MIPOL1: variants seen among roughly 807,000 people sequenced by gnomAD.
The protein encoded by MIPOL1 is mirror-image polydactyly gene 1 protein.
Under a neutral mutation model 60.9 loss-of-function variants are expected in MIPOL1, and 57 were observed. The ratio of observed to expected loss-of-function variants is 0.94; its 90% confidence interval spans 0.76 to 1.17. MIPOL1 has a LOEUF of 1.17. Among genes scored for constraint, MIPOL1 ranks in the 50% most tolerant of loss-of-function variants. The probability of loss-of-function intolerance (pLI) is 0.00; values close to 1 mark genes in which losing one functional copy is unlikely to be tolerated. For synonymous variants in MIPOL1, 179 were observed against 168.8 expected (o/e 1.06, Z -0.47); for missense variants, 551 against 511.6 (o/e 1.08, Z -0.74).
At chr14:37,473,952 C>T (rs1171872592) in intron 11 of MIPOL1, among the ~76,000 whole-genome samples, 1 of 152,168 alleles carries the variant, frequency 6.6e-6, no homozygotes, top group East Asian at 1.9e-4. Context: ...TCCCTAGCAA[C>T]TACTGATCTT....
At chr14:37,497,842 C>G (rs1240569736) in intron 11 of MIPOL1, among the ~76,000 whole-genome samples, 1 of 152,166 alleles carries the variant, frequency 6.6e-6, no homozygotes, top group East Asian at 1.9e-4. Context: ...ATTGGTACAA[C>G]TAATTTGGAA....
intron 11 of MIPOL1, among the ~76,000 whole-genome samples, chr14:37,439,961 C>A (rs1471768950): frequency 1.3e-5 from 2 of 152,128 alleles, no homozygotes; most frequent in African/African-American, 4.8e-5. Flanking sequence ...AAGGGTCAGT[C>A]TCCTGAATAG....
chr14:37,220,619 T>C lies in MIPOL1; in HGVS notation c.-199+22515T>C, dbSNP rs116854317. 3.6e-3 allele frequency among the ~76,000 whole-genome samples: 548 copies of C among 152,290 alleles called. 3 individuals carry two copies. The highest frequency in any genetic ancestry group is 6.4e-3 in the Non-Finnish European group (434 of 68,028). On this transcript the variant is annotated intron_variant, in intron 1 of 12. Coordinates refer to ENST00000684589, the MANE Select transcript of MIPOL1 (RefSeq NM_001388067.1). ...GGTAAGTGAACTGCAGCTTAGAAAG[T>C]TCATGTACAAAAATGCACTGTCACA...
chr14:37,278,538 A>C (rs1168791160), intron 6 of MIPOL1: 1 of 151,710 alleles, frequency 6.6e-6, no homozygotes, highest in African/African-American at 2.4e-5. Context: ...ATTGCTTAGA[A>C]TTTTCCAACA....
chr14:37,324,772 C>A (rs1419039581), intron 9 of MIPOL1, among the ~76,000 whole-genome samples: 1 of 151,972 alleles, frequency 6.6e-6, no homozygotes, highest in Non-Finnish European at 1.5e-5. Flanking sequence ...AGGTGAATAT[C>A]CAGTTGTTTC....
intron 11 of MIPOL1, among the ~76,000 whole-genome samples, chr14:37,433,812 T>C (rs990078279): frequency 6.6e-6 from 1 of 152,118 alleles, no homozygotes; most frequent in Admixed American, 6.5e-5. Flanking sequence ...TGCCTCGGCC[T>C]CCCAAAGTGC....
At chr14:37,216,671 A>G (rs1171390662) in intron 1 of MIPOL1, among the ~76,000 whole-genome samples, 1 of 152,174 alleles carries the variant, frequency 6.6e-6, no homozygotes, top group Non-Finnish European at 1.5e-5. Flanking sequence ...TAAACAGTAT[A>G]CTCCTGAATA....
At chr14:37,522,867 A>G (rs567957014) in intron 12 of MIPOL1, among the ~76,000 whole-genome samples, 14 of 152,250 alleles carry the variant, frequency 9.2e-5, no homozygotes, top group Non-Finnish European at 2.1e-4. Flanking sequence ...CTGGAGAGCT[A>G]CATGTTAGTG....
chr14:37,277,596 T>C (rs1357750250), intron 6 of MIPOL1: 1 of 151,156 alleles, frequency 6.6e-6, no homozygotes, highest in Non-Finnish European at 1.5e-5. Context: ...TGATTCATTG[T>C]CTTGCTACTG....
intron 11 of MIPOL1, among the ~76,000 whole-genome samples, chr14:37,482,154 G>T (rs540040745): frequency 6.6e-6 from 1 of 152,248 alleles, no homozygotes; most frequent in African/African-American, 2.4e-5. Flanking sequence ...TATGGATTGG[G>T]AGAAAATACT....
intron 9 of MIPOL1, among the ~76,000 whole-genome samples, chr14:37,325,303 A>G (rs543665111): frequency 1.4e-3 from 210 of 152,248 alleles, no homozygotes; most frequent in African/African-American, 4.9e-3. Context: ...TATATTTTAT[A>G]TTCATTTTAC....
At chr14:37,387,118 A>G (rs1566495064) in intron 10 of MIPOL1, among the ~76,000 whole-genome samples, 1 of 151,948 alleles carries the variant, frequency 6.6e-6, no homozygotes, top group Non-Finnish European at 1.5e-5. Context: ...TCAGCTGCAG[A>G]CAGTACCTTA....
At chr14:37,465,425 A>C (rs2094586579) in intron 11 of MIPOL1, among the ~76,000 whole-genome samples, 1 of 152,190 alleles carries the variant, frequency 6.6e-6, no homozygotes, top group Non-Finnish European at 1.5e-5. Flanking sequence ...ACATATATAA[A>C]TATTCCTTTC....
intron 12 of MIPOL1, among the ~76,000 whole-genome samples, chr14:37,509,447 A>G (rs991046298): frequency 1.3e-5 from 2 of 151,954 alleles, no homozygotes; most frequent in African/African-American, 4.8e-5. Context: ...AGCATAGAGC[A>G]AACATACTTC....
chr14:37,397,762 G>A (rs931910006), intron 10 of MIPOL1, among the ~76,000 whole-genome samples: 2 of 152,074 alleles, frequency 1.3e-5, no homozygotes, highest in Non-Finnish European at 2.9e-5. Flanking sequence ...GGGAAAGCTG[G>A]CAGTCACAGG....
intron 10 of MIPOL1, among the ~76,000 whole-genome samples, chr14:37,395,598 C>T (rs2153524230): frequency 6.6e-6 from 1 of 152,230 alleles, no homozygotes; most frequent in African/African-American, 2.4e-5. Context: ...GATTTGTGTA[C>T]ATTAATCTTG....
At chr14:37,223,105 T>C (rs1275561717) in intron 1 of MIPOL1, among the ~76,000 whole-genome samples, 1 of 152,166 alleles carries the variant, frequency 6.6e-6, no homozygotes, top group African/African-American at 2.4e-5. Context: ...TGATCTCAGC[T>C]TACCGCAAAC....
chr14:37,303,999 A>T (rs1212627712), intron 7 of MIPOL1, among the ~76,000 whole-genome samples: 1 of 151,832 alleles, frequency 6.6e-6, no homozygotes, highest in East Asian at 1.9e-4. Flanking sequence ...AGATGGTTCT[A>T]TGAGGTTCTT....
chr14:37,422,801 A>G (rs1313349125), intron 10 of MIPOL1, 54 bp from the exon 11 acceptor site: 5 of 1,225,692 alleles, frequency 4.1e-6, no homozygotes, highest in Non-Finnish European at 5.9e-6. Context: ...GTGGTACTGT[A>G]TTTTATCATA....
Sources: allele counts gnomAD v4.1 joint callset (sites outside exome capture counted in the v4.1 genomes callset), GRCh38; gene constraint gnomAD v4.1.1; transcripts MANE v1.5; gene names NCBI Gene and HGNC (gene_info 2026-07-23, HGNC 2026-07-21).